KAT6B: variants seen among roughly 807,000 people sequenced by gnomAD.
The protein encoded by KAT6B is histone acetyltransferase KAT6B.
A neutral mutation model predicts 187.5 loss-of-function variants in KAT6B; 10 were observed. The ratio of observed to expected loss-of-function variants is 0.05; its 90% confidence interval spans 0.03 to 0.09. KAT6B has a LOEUF of 0.09. KAT6B is among the 10% of genes least tolerant of loss of function. KAT6B has a pLI of 1.00. For missense variants in KAT6B, 1,952 were observed against 2,558.9 expected (o/e 0.76, Z 5.12); for synonymous variants, 861 against 926.8 (o/e 0.93, Z 1.29).
chr10:74,910,459 T>G (rs1182129692), intron 3 of KAT6B, among the ~76,000 whole-genome samples: 1 of 152,216 alleles, frequency 6.6e-6, no homozygotes, highest in Non-Finnish European at 1.5e-5. Context: ...TTTTTGAGTT[T>G]TAGTGCTTAG....
At position 75,029,017 on chromosome 10, in the gene KAT6B, A is replaced by T. The variant is rs1434421190; in HGVS notation, c.4193A>T (p.Glu1398Val). 1 of 1,613,970 alleles carries T rather than the reference A, an allele frequency of 6.2e-7. No homozygotes were observed. The highest frequency in any genetic ancestry group is 8.5e-7 in the Non-Finnish European group (1 of 1,180,018). ...QEKEEPEIST[E>V]KEDSARLDDH... ...AAAGAGGAACCAGAAATCTCCACGG[A>T]AAAAGAAGACTCTGCACGTTTGGAT... Residue 1398 changes from glutamate to valine, a missense_variant, in exon 18 of 18, where the codon GAA becomes GTA. Glu to Val is a moderately radical substitution (Grantham distance 121). Transcript: ENST00000287239. The surrounding 1 kb of genome is among the most constrained non-coding windows in gnomAD (Gnocchi z 6.2).
At chr10:74,947,270 G>A (rs1840016906) in intron 3 of KAT6B, among the ~76,000 whole-genome samples, 1 of 152,088 alleles carries the variant, frequency 6.6e-6, no homozygotes, top group Non-Finnish European at 1.5e-5. Flanking sequence ...GGAATTATAG[G>A]GATGAGCCAC....
intron 6 of KAT6B, among the ~76,000 whole-genome samples, chr10:74,970,486 G>A (rs1472098562): frequency 6.6e-6 from 1 of 152,020 alleles, no homozygotes; most frequent in Non-Finnish European, 1.5e-5. Context: ...GAGGATGATA[G>A]TGACTCCAAA....
intron 3 of KAT6B, among the ~76,000 whole-genome samples, chr10:74,884,083 T>C (rs1308937544): frequency 6.6e-6 from 1 of 152,234 alleles, no homozygotes; most frequent in Admixed American, 6.5e-5. Flanking sequence ...GTTCCTTTAT[T>C]CCAACATATA....
chr10:74,956,056 T>C (rs2133463699), intron 3 of KAT6B, among the ~76,000 whole-genome samples: 1 of 152,316 alleles, frequency 6.6e-6, no homozygotes, highest in South Asian at 2.1e-4. Flanking sequence ...CCCAAGTAGC[T>C]GGGACCACAG....
chr10:74,932,269 C>G (rs1848935946), intron 3 of KAT6B, among the ~76,000 whole-genome samples: 1 of 152,166 alleles, frequency 6.6e-6, no homozygotes, highest in African/African-American at 2.4e-5. Context: ...CTGTCTTAAG[C>G]ACTTTATATA....
At chr10:74,864,456 G>A (rs1158123875) in intron 3 of KAT6B, among the ~76,000 whole-genome samples, 1 of 152,090 alleles carries the variant, frequency 6.6e-6, no homozygotes, top group Non-Finnish European at 1.5e-5. Flanking sequence ...GGCCAGGCTG[G>A]TCTCGAACTC....
At chr10:74,878,758 C>T (rs1173541113) in intron 3 of KAT6B, among the ~76,000 whole-genome samples, 1 of 152,034 alleles carries the variant, frequency 6.6e-6, no homozygotes, top group Non-Finnish European at 1.5e-5. Flanking sequence ...TAACAAGCTA[C>T]AGGGATCAGA....
chr10:74,915,873 A>G (rs907019173), intron 3 of KAT6B, among the ~76,000 whole-genome samples: 1 of 152,202 alleles, frequency 6.6e-6, no homozygotes, highest in Non-Finnish European at 1.5e-5. Context: ...GTATTTAAAA[A>G]TCTATAATTT....
intron 3 of KAT6B, among the ~76,000 whole-genome samples, chr10:74,873,893 G>A (rs1844201569): frequency 6.6e-6 from 1 of 152,102 alleles, no homozygotes; most frequent in Admixed American, 6.6e-5. Context: ...CTCATTTAGA[G>A]TTATCAGGTG....
Position 75,022,075 on chromosome 10 carries a change from AGAG to A in KAT6B, c.3228_3230del (p.Glu1076del), listed in dbSNP as rs776286375. Reference sequence around the variant, plus strand: ...TGTCTAAAGAGAGCAGTGAAGAAGAAGAGGAGGAGGAGGACGAGGAGGAGGAAG... The same window carrying A: ...TGTCTAAAGAGAGCAGTGAAGAAGAAGAGGAGGAGGACGAGGAGGAGGAAG... On this transcript the variant is annotated inframe_deletion, in exon 16 of 18. Transcript: ENST00000287239. 5.4e-5 allele frequency: 87 copies of A among 1,613,412 alleles called. No homozygotes were observed. Among genetic ancestry groups the A allele is most frequent in the Non-Finnish European group, 6.4e-5 (76 of 1,179,674 alleles).
intron 1 of KAT6B, among the ~76,000 whole-genome samples, chr10:74,837,606 T>G (rs1391998148): frequency 6.6e-6 from 1 of 152,210 alleles, no homozygotes; most frequent in Non-Finnish European, 1.5e-5. Context: ...ATTATGCATT[T>G]TTTTTTCCTG....
chr10:74,921,588 T>C (rs762508113), intron 3 of KAT6B, among the ~76,000 whole-genome samples: 10 of 152,312 alleles, frequency 6.6e-5, no homozygotes, highest in Admixed American at 1.3e-4. Flanking sequence ...TTAACATGCA[T>C]TGACTGCCTG....
In KAT6B at chr10:74,828,967, T is replaced by A. The variant is rs117194115; in HGVS notation, c.-329+2182T>A. Among the ~76,000 whole-genome samples the A allele has an allele frequency of 6.5e-3, 979 of 151,284 alleles. 9 individuals carry two copies. Among genetic ancestry groups the A allele is most frequent in the South Asian group, 0.018 (85 of 4,806 alleles). The stretch of plus-strand genomic sequence containing the variant: ...CACATGTTTTTTCTTTTCCGAGAAC[T>A]TCTACTGAGAGTTAAAGGTTGGAGT... On this transcript the variant is annotated intron_variant, in intron 1 of 17. Transcript: ENST00000287239.
chr10:74,986,804 T>C (rs1276616566), intron 12 of KAT6B, among the ~76,000 whole-genome samples: 1 of 152,250 alleles, frequency 6.6e-6, no homozygotes. Flanking sequence ...GTTGCGTCCT[T>C]GCTGTTAGAA....
chr10:74,933,711 A>G (rs917392908), intron 3 of KAT6B, among the ~76,000 whole-genome samples: 8 of 152,226 alleles, frequency 5.3e-5, no homozygotes, highest in African/African-American at 1.9e-4. Context: ...TAAATTATTC[A>G]TATATACATC....
chr10:74,890,891 A>G lies in KAT6B; in HGVS notation c.621+47413A>G, dbSNP rs140580951. ...CAGTTTGGGTTTTTTTTTGGCATATAAATGGTTGAATTTCAAAATTATATT... is the reference window on the plus strand; with the variant it reads ...CAGTTTGGGTTTTTTTTTGGCATATGAATGGTTGAATTTCAAAATTATATT... On this transcript the variant is annotated intron_variant, in intron 3 of 17. Coordinates refer to ENST00000287239, the MANE Select transcript of KAT6B (RefSeq NM_012330.4). Among the ~76,000 whole-genome samples, 526 of 152,240 alleles carry G rather than the reference A, an allele frequency of 3.5e-3. 3 individuals are homozygous for G. The highest frequency in any genetic ancestry group is 0.012 in the African/African-American group (503 of 41,550).
At position 74,879,596 on chromosome 10, in the gene KAT6B, C is replaced by T. The variant is rs1844701942; in HGVS notation, c.621+36118C>T. On this transcript the variant is annotated intron_variant, in intron 3 of 17. Transcript: ENST00000287239. ...ACCCAAATTCAGGGGACTCTGTTCACTTTGCCAGCAGCCTGGGATTAATTC... is the reference window on the plus strand; with the variant it reads ...ACCCAAATTCAGGGGACTCTGTTCATTTTGCCAGCAGCCTGGGATTAATTC... Among the ~76,000 whole-genome samples, 3 of 152,334 alleles carry T rather than the reference C, an allele frequency of 2.0e-5. No individual in the cohort carries two copies. The South Asian group carries it at 6.2e-4, about 32-fold the overall frequency.
Position 74,975,584 on chromosome 10 carries a change from C to A in KAT6B, c.1247C>A (p.Thr416Asn). 1 of 1,614,162 alleles carries A rather than the reference C, an allele frequency of 6.2e-7. No individual in the cohort carries two copies. The highest frequency in any genetic ancestry group is 8.5e-7 in the Non-Finnish European group (1 of 1,180,038). Residue 416 changes from threonine (T) to asparagine (N), a missense_variant, in exon 8 of 18, where the codon ACC becomes AAC. Thr to Asn is a moderately conservative substitution (Grantham distance 65). This residue lies in a region of KAT6B where 417 missense variants were observed against 508.9 expected (regional missense o/e 0.82). Coordinates refer to ENST00000287239, the MANE Select transcript of KAT6B (RefSeq NM_012330.4). ...GGTGCCACCACCAAAATCACCACCA[C>A]CTCCACCTACATTTCTGCCTCTACA... ...RPGATTKITT[T>N]STYISASTLK...
Sources: allele counts gnomAD v4.1 joint callset (sites outside exome capture counted in the v4.1 genomes callset), GRCh38; gene constraint gnomAD v4.1.1; regional missense constraint gnomAD v4.1.1; non-coding constraint Gnocchi (gnomAD v3.1); transcripts MANE v1.5; gene names NCBI Gene and HGNC (gene_info 2026-07-23, HGNC 2026-07-21).